Variants in RHBDF2 observed in about 807,000 individuals in gnomAD.
The protein encoded by RHBDF2 is rhomboid 5 homolog 2, also known as inactive rhomboid protein 2.
A neutral mutation model predicts 95.2 loss-of-function variants in RHBDF2; 38 were observed. The observed-to-expected ratio is 0.40, with a 90% CI of 0.31 to 0.52. RHBDF2 has a LOEUF of 0.52. Ranked by LOEUF, RHBDF2 falls within the 20% of genes least tolerant of loss-of-function variation. The pLI is 0.56. For synonymous variants in RHBDF2, 442 were observed against 462.0 expected (o/e 0.96, Z 0.55); for missense variants, 863 against 1,137.7 (o/e 0.76, Z 3.47).
chr17:76,482,157 T>G (rs2073991235), intron 2 of RHBDF2, among the ~76,000 whole-genome samples: 1 of 151,922 alleles, frequency 6.6e-6, no homozygotes, highest in African/African-American at 2.4e-5. Flanking sequence ...TCATTCAATT[T>G]CTGATCTCTC....
chr17:76,491,738 A>T (rs1375961141), intron 1 of RHBDF2, among the ~76,000 whole-genome samples: 1 of 152,190 alleles, frequency 6.6e-6, no homozygotes, highest in Non-Finnish European at 1.5e-5. Flanking sequence ...CTCGTGCAGA[A>T]GTTGGGGTGG....
At chr17:76,491,747 G>A (rs191864849) in intron 1 of RHBDF2, among the ~76,000 whole-genome samples, 2 of 152,214 alleles carry the variant, frequency 1.3e-5, no homozygotes, top group African/African-American at 4.8e-5. Context: ...AAGTTGGGGT[G>A]GGGGTGCAAA....
At position 76,479,161 on chromosome 17, in the gene RHBDF2, T is replaced by A. The variant is rs1200366741; in HGVS notation, c.389A>T (p.Gln130Leu). Residue 130 changes from glutamine (Q) to leucine (L), a missense_variant, in exon 5 of 19, where the codon CAG becomes CTG. Transcript: ENST00000675367. Reference sequence around the variant, plus strand: ...CTGGCTGGGGAGCTCCAGGTCACGCTGGCACGAGGCCTTCAGGCGGCCGTA... The same window carrying A: ...CTGGCTGGGGAGCTCCAGGTCACGCAGGCACGAGGCCTTCAGGCGGCCGTA... ...MRYGRLKASC[Q>L]RDLELPSQEA... The A allele has an allele frequency of 6.2e-7, 1 of 1,613,080 alleles. No individual in the cohort carries two copies. Among genetic ancestry groups the A allele is most frequent in the Non-Finnish European group, 8.5e-7 (1 of 1,179,704 alleles).
intron 1 of RHBDF2, among the ~76,000 whole-genome samples, chr17:76,493,583 C>A (rs906281470): frequency 2.0e-5 from 3 of 152,002 alleles, no homozygotes; most frequent in Non-Finnish European, 4.4e-5. Flanking sequence ...TGAGCTCCAC[C>A]GGCAGAGTTA....
chr17:76,492,327 C>T (rs966707088), intron 1 of RHBDF2, among the ~76,000 whole-genome samples: 2 of 152,176 alleles, frequency 1.3e-5, no homozygotes, highest in Non-Finnish European at 2.9e-5. Context: ...GCTTTGGAGA[C>T]AGCATAACCC....
chr17:76,477,331 G>C lies in RHBDF2; in HGVS notation c.802-33C>G, dbSNP rs761692898. On this transcript the variant is annotated intron_variant, in intron 7 of 18. Coordinates refer to ENST00000675367, the MANE Select transcript of RHBDF2 (RefSeq NM_001005498.4). Reference sequence around the variant, plus strand: ...GGGGGACAAGAAAATACAGTGTAAGGAGTCTGTCCCAAACACTGCCCCCCG... The same window carrying C: ...GGGGGACAAGAAAATACAGTGTAAGCAGTCTGTCCCAAACACTGCCCCCCG... 5.0e-6 allele frequency: 8 copies of C among 1,604,268 alleles called. No individual in the cohort carries two copies. In the African/African-American group the frequency reaches 8.0e-5, roughly 16 times the overall value.
chr17:76,474,586 A>G, intron 11 of RHBDF2, 52 bp from the exon 12 acceptor site: 1 of 1,611,506 alleles, frequency 6.2e-7, no homozygotes, highest in Non-Finnish European at 8.5e-7. Context: ...CAGACCTGGG[A>G]GGGGTCCATC....
At chr17:76,491,730 C>T (rs769403335) in intron 1 of RHBDF2, among the ~76,000 whole-genome samples, 9 of 152,316 alleles carry the variant, frequency 5.9e-5, no homozygotes, top group East Asian at 3.9e-4. Flanking sequence ...GCCTCCAACT[C>T]GTGCAGAAGT....
rs1396177859 is a variant in RHBDF2 at position 76,479,275 on chromosome 17, C to T, written c.275G>A (p.Gly92Asp). 3.1e-6 allele frequency: 5 copies of T among 1,596,510 alleles called. No homozygotes were observed. The highest frequency in any genetic ancestry group is 4.3e-6 in the Non-Finnish European group (5 of 1,176,364). Residue 92 changes from glycine to aspartate, a missense_variant and splice_region_variant, in exon 5 of 19, where the codon GGC becomes GAC. This residue lies in a region of RHBDF2 where 611 missense variants were observed against 725.5 expected (regional missense o/e 0.84). Transcript: ENST00000675367. ...QASLSQSIRK[G>D]AAQWFGVSGD... ...GCTGACTCCAAACCACTGGGCTGCGCCCCTGCGGAAGCAGACAAGGGACAG... is the reference window on the plus strand; with the variant it reads ...GCTGACTCCAAACCACTGGGCTGCGTCCCTGCGGAAGCAGACAAGGGACAG...
intron 2 of RHBDF2, among the ~76,000 whole-genome samples, chr17:76,482,482 T>A (rs1033272935): frequency 6.6e-6 from 1 of 151,918 alleles, no homozygotes; most frequent in African/African-American, 2.4e-5. Flanking sequence ...TTTTCAAAGA[T>A]AACTAAAACT....
Position 76,498,168 on chromosome 17 carries a change from G to A in RHBDF2, c.-220+3185C>T, listed in dbSNP as rs1487070154. On this transcript the variant is annotated intron_variant, in intron 1 of 18. Transcript: ENST00000675367. ...GCTTGGTTTCCCTGTGAAGCCGCCC[G>A]TGCCCTGAGAGCTGTCCCTGCCTAG... Among the ~76,000 whole-genome samples the A allele has an allele frequency of 2.6e-5, 4 of 152,102 alleles. No homozygotes were observed. The East Asian group carries it at 5.8e-4, about 22-fold the overall frequency.
chr17:76,484,543 C>G (rs1003987189), intron 2 of RHBDF2, among the ~76,000 whole-genome samples: 1 of 151,176 alleles, frequency 6.6e-6, no homozygotes. Flanking sequence ...TGGAGGCTCA[C>G]TCCACTCTCT....
At chr17:76,488,532 G>A (rs1327220789) in intron 1 of RHBDF2, among the ~76,000 whole-genome samples, 1 of 151,260 alleles carries the variant, frequency 6.6e-6, no homozygotes, top group Non-Finnish European at 1.5e-5. Context: ...TTTTTGGGCA[G>A]GGTGCAGGCG....
In RHBDF2 at chr17:76,481,518, A is replaced by G; in HGVS notation, c.7T>C (p.Ser3Pro). The change falls in exon 3 of 19, where the codon TCT (serine) becomes CCT (proline). Residue 3 changes from serine to proline, a missense_variant. By Grantham distance (74) the Ser-to-Pro change is moderately conservative. Around this residue, in one of 2 missense-constraint regions of RHBDF2, gnomAD observed 611 missense variants for 725.5 expected, o/e 0.84. Coordinates refer to ENST00000675367, the MANE Select transcript of RHBDF2 (RefSeq NM_001005498.4). MASADKNGGSVSS... is the reference protein window; with the variant it reads MAPADKNGGSVSS... Reference sequence around the variant, plus strand: ...ACGCTCCCGCCATTCTTGTCAGCAGAGGCCATTGTGGGCAGGAGGCGGGAG... The same window carrying G: ...ACGCTCCCGCCATTCTTGTCAGCAGGGGCCATTGTGGGCAGGAGGCGGGAG... 1 of 1,609,444 alleles carries G rather than the reference A, an allele frequency of 6.2e-7. No homozygotes were observed. Among genetic ancestry groups the G allele is most frequent in the Non-Finnish European group, 8.5e-7 (1 of 1,179,640 alleles).
intron 1 of RHBDF2, among the ~76,000 whole-genome samples, chr17:76,493,844 C>T (rs1223076124): frequency 6.6e-6 from 1 of 152,262 alleles, no homozygotes; most frequent in Non-Finnish European, 1.5e-5. Flanking sequence ...AACAGCGGGT[C>T]CTGGCCCAGA....
chr17:76,482,000 CACAAAA>C (rs1567881991), intron 2 of RHBDF2: 2 of 44,694 alleles, frequency 4.5e-5, no homozygotes, highest in Non-Finnish European at 1.4e-4. Flanking sequence ...CACACACACA[CACAAAA>C]CCAAAAACAA....
intron 2 of RHBDF2, chr17:76,481,867 C>A: frequency 4.6e-6 from 1 of 216,898 alleles, no homozygotes. Flanking sequence ...GGCAGGATGG[C>A]TTGAACCCAG....
At chr17:76,473,434 G>C in intron 15 of RHBDF2, 107 bp from the exon 16 acceptor site, 1 of 1,104,670 alleles carries the variant, frequency 9.1e-7, no homozygotes, top group Non-Finnish European at 1.3e-6. Context: ...TGGCAGGAAG[G>C]GGGATGCCGC....
intron 9 of RHBDF2, chr17:76,476,440 T>A (rs2144104356): frequency 5.3e-6 from 1 of 187,062 alleles, no homozygotes; most frequent in South Asian, 1.2e-4. Flanking sequence ...ATTACAAGTG[T>A]GAGCCACGGC....
Sources: allele counts gnomAD v4.1 joint callset (sites outside exome capture counted in the v4.1 genomes callset), GRCh38; gene constraint gnomAD v4.1.1; regional missense constraint gnomAD v4.1.1; transcripts MANE v1.5; gene names NCBI Gene and HGNC (gene_info 2026-07-23, HGNC 2026-07-21).